FKBP6: variants seen among roughly 807,000 people sequenced by gnomAD.
The protein encoded by FKBP6 is FKBP prolyl isomerase family member 6 (inactive), also known as inactive peptidyl-prolyl cis-trans isomerase FKBP6.
In FKBP6, 29 loss-of-function variants were observed where a neutral mutation model predicts 41.7. The observed-to-expected ratio is 0.70, with a 90% CI of 0.52 to 0.95. The LOEUF (loss-of-function observed/expected upper bound fraction) is 0.95, where lower values mean the gene tolerates loss of function less well. Among genes scored for constraint, FKBP6 ranks in the 40% least tolerant of loss-of-function variants. The probability of loss-of-function intolerance (pLI) is 0.00; values close to 1 mark genes in which losing one functional copy is unlikely to be tolerated. For synonymous variants in FKBP6, 130 were observed against 165.1 expected (o/e 0.79, Z 1.63); for missense variants, 338 against 408.7 (o/e 0.83, Z 1.49).
rs7797242 is a variant in FKBP6, at chr7:73,329,298, C to T, written c.176-62C>T. On this transcript the variant is annotated intron_variant, in intron 2 of 8. Coordinates refer to ENST00000252037, the MANE Select transcript of FKBP6 (RefSeq NM_003602.5). ...TGTTTCTGTGTGATCATGAGAGACT[C>T]GATATTATGGTGGCGTGGGTGTTTT... is the stretch of plus-strand genomic sequence containing the variant. The T allele has an allele frequency of 1.6e-4, 143 of 917,172 alleles. No individual in the cohort carries two copies. The African/African-American group carries it at 2.0e-3, about 13-fold the overall frequency. 56.8% of individuals were successfully genotyped at this position (917,172 alleles called of 1,614,324 possible). A position where few individuals can be genotyped will look rare whatever the true frequency, so the allele number is the denominator to read the frequency against.
intron 5 of FKBP6, chr7:73,337,007 G>T (rs1015212896): frequency 6.0e-6 from 2 of 333,466 alleles, no homozygotes; most frequent in Non-Finnish European, 1.2e-5. Flanking sequence ...GGAAAGAAAT[G>T]TGTTACTTTC....
chr7:73,330,597 C>T (rs1804809742), intron 4 of FKBP6, among the ~76,000 whole-genome samples: 1 of 152,152 alleles, frequency 6.6e-6, no homozygotes, highest in African/African-American at 2.4e-5. Flanking sequence ...GTGGTTTGAA[C>T]TGATTTTTCA....
Position 73,352,829 on chromosome 7 carries a change from C to T in FKBP6, c.*3-5352C>T, listed in dbSNP as rs149622823. Among the ~76,000 whole-genome samples, 505 of 152,208 alleles carry T rather than the reference C, an allele frequency of 3.3e-3. 1 individual carries two copies. The highest frequency in any genetic ancestry group is 0.012 in the African/African-American group (489 of 41,524). ...TGAGGGCACCCACAGCAGTCATTGT[C>T]AGCATCAGTCCAAACAGAAAAGGCA... On this transcript the variant is annotated intron_variant, in intron 8 of 8. Coordinates refer to ENST00000252037, the MANE Select transcript of FKBP6 (RefSeq NM_003602.5).
chr7:73,340,520 G>A, intron 5 of FKBP6, 118 bp from the exon 6 acceptor site: 1 of 775,068 alleles, frequency 1.3e-6, no homozygotes, highest in Non-Finnish European at 2.3e-6. Context: ...TGTTGATCTT[G>A]TGTCTTGCAA....
At chr7:73,337,483 T>A (rs548055161) in intron 5 of FKBP6, among the ~76,000 whole-genome samples, 57 of 151,912 alleles carry the variant, frequency 3.8e-4, no homozygotes, top group African/African-American at 1.1e-3. Flanking sequence ...TCCAGCTCAT[T>A]TTTTGTATTT....
At chr7:73,330,125 C>T in intron 3 of FKBP6, 25 bp from the exon 4 acceptor site, 1 of 1,587,514 alleles carries the variant, frequency 6.3e-7, no homozygotes, top group South Asian at 1.1e-5. Flanking sequence ...CAAGCTTCAC[C>T]CACCTTCTTT....
chr7:73,355,764 A>G (rs1554551846), intron 8 of FKBP6, among the ~76,000 whole-genome samples: 1 of 151,974 alleles, frequency 6.6e-6, no homozygotes, highest in African/African-American at 2.4e-5. Context: ...TTAATTTTGA[A>G]TTATAAAAAT....
At chr7:73,335,912 C>T (rs1164955730) in intron 5 of FKBP6, among the ~76,000 whole-genome samples, 1 of 152,186 alleles carries the variant, frequency 6.6e-6, no homozygotes, top group Non-Finnish European at 1.5e-5. Context: ...AGAGGTTTTG[C>T]ACGTCTTTTC....
At chr7:73,338,927 C>T (rs1242081421) in intron 5 of FKBP6, among the ~76,000 whole-genome samples, 4 of 152,198 alleles carry the variant, frequency 2.6e-5, no homozygotes, top group Admixed American at 1.3e-4. Context: ...GGGCTGTCTG[C>T]ACTTTCTTTG....
chr7:73,336,906 A>G (rs1805022537), intron 5 of FKBP6: 1 of 432,130 alleles, frequency 2.3e-6, no homozygotes, highest in African/African-American at 2.0e-5. Flanking sequence ...TATATGATGA[A>G]GTTGTATATA....
intron 8 of FKBP6, among the ~76,000 whole-genome samples, chr7:73,347,381 G>A (rs545982441): frequency 6.6e-5 from 10 of 152,294 alleles, no homozygotes; most frequent in Admixed American, 1.3e-4. Context: ...CTAAGTGATA[G>A]AGCCAGAGTC....
chr7:73,353,879 G>A (rs997837349), intron 8 of FKBP6, among the ~76,000 whole-genome samples: 19 of 152,118 alleles, frequency 1.2e-4, no homozygotes, highest in African/African-American at 4.1e-4. Flanking sequence ...GATTACAGGC[G>A]TGCGCCACCA....
At chr7:73,348,367 G>A (rs868994628) in intron 8 of FKBP6, among the ~76,000 whole-genome samples, 2 of 152,114 alleles carry the variant, frequency 1.3e-5, no homozygotes, top group Non-Finnish European at 1.5e-5. Context: ...TGTGCTCAAC[G>A]TCTGGCTTTA....
chr7:73,338,161 G>T (rs1250281078), intron 5 of FKBP6, among the ~76,000 whole-genome samples: 1 of 152,132 alleles, frequency 6.6e-6, no homozygotes, highest in Non-Finnish European at 1.5e-5. Flanking sequence ...AAGTAGCTGG[G>T]ATTACAGGCA....
intron 5 of FKBP6, 149 bp from the exon 6 acceptor site, chr7:73,340,489 A>G (rs1805140002): frequency 2.8e-6 from 2 of 705,280 alleles, no homozygotes; most frequent in Non-Finnish European, 5.1e-6. Context: ...AGAAGAAAAA[A>G]GAAATATACC....
intron 8 of FKBP6, among the ~76,000 whole-genome samples, chr7:73,353,878 C>T (rs1184306520): frequency 1.3e-5 from 2 of 152,016 alleles, no homozygotes; most frequent in Non-Finnish European, 2.9e-5. Context: ...GGATTACAGG[C>T]GTGCGCCACC....
At chr7:73,342,977 TGG>T in intron 8 of FKBP6, 78 bp downstream of exon 8, 1 of 984,170 alleles carries the variant, frequency 1.0e-6, no homozygotes, top group Middle Eastern at 2.6e-4. Flanking sequence ...AAGTGAATGG[TGG>T]CTGTCTGCAG....
rs144228498 is a variant in FKBP6 at position 73,349,824 on chromosome 7, C to T, written c.*2+6925C>T. On this transcript the variant is annotated intron_variant, in intron 8 of 8. Transcript: ENST00000252037. ...CCACACGTGTTCAGCAGCCTGGAAG[C>T]TCTCCAAACCCTGTTCTTTCTGGCA... is the stretch of plus-strand genomic sequence containing the variant. 3.9e-3 allele frequency among the ~76,000 whole-genome samples: 587 copies of T among 151,984 alleles called. 2 individuals carry two copies. The highest frequency in any genetic ancestry group is 6.6e-3 in the Non-Finnish European group (450 of 68,008).
At chr7:73,337,065 A>G in intron 5 of FKBP6, 1 of 321,812 alleles carries the variant, frequency 3.1e-6, no homozygotes, top group South Asian at 2.5e-5. Context: ...GCCTGTAGAA[A>G]ACTGTTTCCA....
Sources: gnomAD v4.1 joint callset for allele counts (sites outside exome capture counted in the v4.1 genomes callset) on GRCh38, gnomAD v4.1.1 for gene constraint, MANE v1.5 for transcripts, NCBI Gene and HGNC (gene_info 2026-07-23, HGNC 2026-07-21) for gene names.